The following SGIP1 variants were observed in gnomAD, a reference collection of about 807,000 sequenced individuals.
The protein encoded by SGIP1 is SH3-containing GRB2-like protein 3-interacting protein 1.
In SGIP1, 38 loss-of-function variants were observed where a neutral mutation model predicts 107.5. The ratio of observed to expected loss-of-function variants is 0.35; its 90% CI spans 0.27 to 0.46. The LOEUF is 0.46. SGIP1 is among the 20% of genes least tolerant of loss of function. The pLI is 1.00. For missense variants in SGIP1, 929 were observed against 1,019.5 expected (o/e 0.91, Z 1.21); for synonymous variants, 365 against 366.1 (o/e 1.00, Z 0.03).
intron 18 of SGIP1, among the ~76,000 whole-genome samples, chr1:66,705,480 A>T (rs1488470380): frequency 1.3e-5 from 2 of 152,210 alleles, no homozygotes; most frequent in Non-Finnish European, 2.9e-5. Flanking sequence ...GTGGCAAATG[A>T]ATCTAGGGAG....
intron 18 of SGIP1, among the ~76,000 whole-genome samples, chr1:66,714,572 T>C (rs1165891515): frequency 6.6e-6 from 1 of 152,166 alleles, no homozygotes; most frequent in Non-Finnish European, 1.5e-5. Flanking sequence ...AGTGAGGTTA[T>C]GCTGTTTTCA....
chr1:66,594,366 A>G (rs942008785), intron 1 of SGIP1, among the ~76,000 whole-genome samples: 1 of 152,116 alleles, frequency 6.6e-6, no homozygotes, highest in Non-Finnish European at 1.5e-5. Flanking sequence ...TTACTTTCTT[A>G]CCCTGTAAAT....
At chr1:66,553,006 A>G (rs564805927) in intron 1 of SGIP1, among the ~76,000 whole-genome samples, 4 of 152,238 alleles carry the variant, frequency 2.6e-5, no homozygotes, top group African/African-American at 9.6e-5. Flanking sequence ...TCAGAGACCA[A>G]CACATCAGCC....
At chr1:66,541,747 T>C (rs968196213) in intron 1 of SGIP1, among the ~76,000 whole-genome samples, 4 of 152,210 alleles carry the variant, frequency 2.6e-5, no homozygotes, top group South Asian at 4.1e-4. Context: ...AGGAAAATAC[T>C]GAGCTCATTT....
chr1:66,575,233 G>T (rs2060900534), intron 1 of SGIP1, among the ~76,000 whole-genome samples: 1 of 152,130 alleles, frequency 6.6e-6, no homozygotes, highest in African/African-American at 2.4e-5. Context: ...CAAAGAGGAT[G>T]GGAGGGTTTA....
intron 20 of SGIP1, among the ~76,000 whole-genome samples, chr1:66,733,008 T>C (rs1384065780): frequency 3.9e-5 from 6 of 152,204 alleles, no homozygotes; most frequent in Admixed American, 2.0e-4. Context: ...CTTTTTATCA[T>C]TGAGATGAGC....
intron 1 of SGIP1, among the ~76,000 whole-genome samples, chr1:66,549,714 T>C (rs1363658255): frequency 6.6e-6 from 1 of 152,174 alleles, no homozygotes; most frequent in Non-Finnish European, 1.5e-5. Flanking sequence ...AATGTTTTTT[T>C]ACAATACTCT....
At chr1:66,679,861 A>G in intron 14 of SGIP1, 109 bp downstream of exon 14, 1 of 994,816 alleles carries the variant, frequency 1.0e-6, no homozygotes, top group Non-Finnish European at 1.4e-6. Flanking sequence ...AAAACATCAC[A>G]ATGTTGGCAT....
chr1:66,696,521 A>G (rs959057884), intron 18 of SGIP1, among the ~76,000 whole-genome samples: 2 of 152,220 alleles, frequency 1.3e-5, no homozygotes, highest in African/African-American at 2.4e-5. Context: ...AGAATGGCTG[A>G]TATACATAAA....
At chr1:66,704,091 A>T (rs958855662) in intron 18 of SGIP1, among the ~76,000 whole-genome samples, 2 of 152,002 alleles carry the variant, frequency 1.3e-5, no homozygotes, top group Admixed American at 1.3e-4. Context: ...CATGCAAAGC[A>T]CTCAAATATA....
At chr1:66,680,326 C>T (rs1297908113) in intron 14 of SGIP1, among the ~76,000 whole-genome samples, 2 of 152,136 alleles carry the variant, frequency 1.3e-5, no homozygotes, top group East Asian at 3.8e-4. Context: ...TAAGGCACAC[C>T]TTTACCATCT....
Position 66,750,031 on chromosome 1 carries a change from GT to G in SGIP1, c.*6937del, listed in dbSNP as rs1452951971. On this transcript the variant is annotated 3_prime_UTR_variant, in exon 25 of 25. Transcript: ENST00000371037. The stretch of plus-strand genomic sequence containing the variant: ...TCTCTCTCTCTTTCTCTGTGTGTGT[GT>G]GGGGGTGTGTGTGTGTGTGTGTGTG... Among the ~76,000 whole-genome samples, 21 of 55,998 alleles carry G rather than the reference GT, an allele frequency of 3.8e-4. No individual in the cohort carries two copies. Among genetic ancestry groups the G allele is most frequent in the African/African-American group, 1.2e-3 (14 of 11,746 alleles). 36.7% of individuals were successfully genotyped at this position (55,998 alleles called of 152,430 possible).
chr1:66,622,664 G>A (rs1246876948), intron 1 of SGIP1, among the ~76,000 whole-genome samples: 1 of 152,170 alleles, frequency 6.6e-6, no homozygotes, highest in Non-Finnish European at 1.5e-5. Flanking sequence ...GACACACAGT[G>A]TGGCAGTTTT....
intron 20 of SGIP1, among the ~76,000 whole-genome samples, chr1:66,731,713 T>C (rs945323604): frequency 6.6e-6 from 1 of 152,152 alleles, no homozygotes; most frequent in African/African-American, 2.4e-5. Flanking sequence ...AAAAAGGCAT[T>C]GTTGACCAAG....
chr1:66,572,979 C>CACTTATAG (rs2060584048), intron 1 of SGIP1, among the ~76,000 whole-genome samples: 2 of 151,952 alleles, frequency 1.3e-5, no homozygotes, highest in African/African-American at 4.8e-5. Flanking sequence ...TGCATTATTC[C>CACTTATAG]ACTTATAGTA....
At chr1:66,615,384 C>T (rs910537316) in intron 1 of SGIP1, among the ~76,000 whole-genome samples, 2 of 152,184 alleles carry the variant, frequency 1.3e-5, no homozygotes, top group Non-Finnish European at 2.9e-5. Flanking sequence ...CCGCCTGCCT[C>T]AGCCTCCCAA....
rs80312767 is a variant in SGIP1, at chr1:66,614,736, T to C, written c.11-11111T>C. 5.1e-3 allele frequency among the ~76,000 whole-genome samples: 781 copies of C among 151,762 alleles called. 9 individuals are homozygous for C. Among genetic ancestry groups the C allele is most frequent in the African/African-American group, 0.017 (719 of 41,418 alleles). ...CAGTACCATGTAATCTCCTACTTTA[T>C]CTACCTCTCTGCCTCCACATGGTAG... On this transcript the variant is annotated intron_variant, in intron 1 of 24. Transcript: ENST00000371037.
At chr1:66,668,864 G>A (rs1276519922) in intron 9 of SGIP1, among the ~76,000 whole-genome samples, 1 of 152,208 alleles carries the variant, frequency 6.6e-6, no homozygotes, top group Non-Finnish European at 1.5e-5. Flanking sequence ...AACAAGCATT[G>A]AAAGGGGGAA....
At chr1:66,535,343 A>G (rs2053347556) in intron 1 of SGIP1, among the ~76,000 whole-genome samples, 1 of 152,198 alleles carries the variant, frequency 6.6e-6, no homozygotes, top group Non-Finnish European at 1.5e-5. Flanking sequence ...GGATTTCACA[A>G]TGCAGAATTG....
Sources: allele counts gnomAD v4.1 joint callset (sites outside exome capture counted in the v4.1 genomes callset), GRCh38; gene constraint gnomAD v4.1.1; transcripts MANE v1.5; gene names NCBI Gene and HGNC (gene_info 2026-07-23, HGNC 2026-07-21).